The following ZNF155 variants were observed in gnomAD, a reference collection of about 807,000 sequenced individuals.
ZNF155 encodes the protein KRAB A domain.
A neutral mutation model predicts 11.9 loss-of-function variants in ZNF155; 15 were observed. The ratio of observed to expected loss-of-function variants is 1.26; its 90% CI spans 0.84 to 1.94. ZNF155 has a LOEUF of 1.94. ZNF155 is among the 30% of genes most tolerant of loss of function. The pLI, the probability that ZNF155 is intolerant of heterozygous loss-of-function variation, is 0.00. For missense variants in ZNF155, 602 were observed against 639.1 expected (o/e 0.94, Z 0.63); for synonymous variants, 212 against 219.9 (o/e 0.96, Z 0.32).
intron 1 of ZNF155, among the ~76,000 whole-genome samples, chr19:43,985,366 T>C (rs1198269879): frequency 1.3e-5 from 2 of 151,906 alleles, no homozygotes; most frequent in African/African-American, 4.8e-5. Context: ...GGGCCGGTTT[T>C]TTCTTTTACA....
chr19:43,986,457 T>TG (rs1189673130), intron 1 of ZNF155, among the ~76,000 whole-genome samples: 3 of 151,026 alleles, frequency 2.0e-5, no homozygotes, highest in African/African-American at 7.3e-5. Context: ...GTGTTTTTTT[T>TG]TTTTTTTTTT....
intron 4 of ZNF155, 62 bp downstream of exon 4, chr19:43,991,996 A>T: frequency 6.9e-7 from 1 of 1,446,984 alleles, no homozygotes; most frequent in Non-Finnish European, 9.5e-7. Context: ...GCTTCTGTCC[A>T]TGCCCATTTG....
At position 43,990,271 on chromosome 19, in the gene ZNF155, T is replaced by C. The variant is rs191474577; in HGVS notation, c.16-1277T>C. On this transcript the variant is annotated intron_variant, in intron 2 of 4. Transcript: ENST00000270014. ...CTACATCATTACTTAATGATGCTCT[T>C]TACAGGATTGATAATGGAAAATATG... Among the ~76,000 whole-genome samples, 5 of 152,288 alleles carry C rather than the reference T, an allele frequency of 3.3e-5. No individual in the cohort carries two copies. The East Asian group carries it at 9.6e-4, about 29-fold the overall frequency.
intron 1 of ZNF155, among the ~76,000 whole-genome samples, chr19:43,987,218 A>G (rs1477093846): frequency 6.6e-6 from 1 of 152,182 alleles, no homozygotes; most frequent in Non-Finnish European, 1.5e-5. Flanking sequence ...CCATAATTAA[A>G]TTTGTTCAAT....
intron 2 of ZNF155, among the ~76,000 whole-genome samples, chr19:43,990,547 G>A (rs1396129461): frequency 6.6e-6 from 1 of 152,210 alleles, no homozygotes. Flanking sequence ...AGGCCACACA[G>A]TTAGGAAGGG....
rs750267850 is a variant in ZNF155, at chr19:43,988,530, AAGT to A, written c.-11_-9del. 3.1e-6 allele frequency: 5 copies of A among 1,606,952 alleles called. No individual in the cohort carries two copies. Among genetic ancestry groups the A allele is most frequent in the Non-Finnish European group, 4.3e-6 (5 of 1,175,738 alleles). On this transcript the variant is annotated 5_prime_UTR_variant, in exon 2 of 5. Coordinates refer to ENST00000270014, the MANE Select transcript of ZNF155 (RefSeq NM_198089.3). Reference sequence around the variant, plus strand: ...CACCCAGGAGTCTGCAAATTCCCCAAAGTAGGAGGAAAAATGACCACATTCAAG... The same window carrying A: ...CACCCAGGAGTCTGCAAATTCCCCAAAGGAGGAAAAATGACCACATTCAAG...
At chr19:43,988,258 C>G (rs983954885) in intron 1 of ZNF155, among the ~76,000 whole-genome samples, 4 of 152,258 alleles carry the variant, frequency 2.6e-5, no homozygotes, top group Non-Finnish European at 5.9e-5. Flanking sequence ...TGGCTTCTTT[C>G]ATTTAGCATG....
In ZNF155 at chr19:43,996,838, G is replaced by A. The variant is rs1346720219; in HGVS notation, c.981G>A (p.Gln327=). ...RCDTCDKSFH[Q]RSALNRHCMV... ...ATACATGTGATAAGAGCTTTCATCAGAGATCAGCACTTAATAGGCATTGCA... is the reference window on the plus strand; with the variant it reads ...ATACATGTGATAAGAGCTTTCATCAAAGATCAGCACTTAATAGGCATTGCA... The change falls in exon 5 of 5, where the codon CAG becomes CAA. Residue 327 remains glutamine, a synonymous_variant. Transcript: ENST00000270014. 1 of 1,613,882 alleles carries A rather than the reference G, an allele frequency of 6.2e-7. No individual in the cohort carries two copies. The highest frequency in any genetic ancestry group is 8.5e-7 in the Non-Finnish European group (1 of 1,180,000).
chr19:43,994,349 C>T (rs1219474621), intron 4 of ZNF155, among the ~76,000 whole-genome samples: 1 of 152,128 alleles, frequency 6.6e-6, no homozygotes, highest in Non-Finnish European at 1.5e-5. Context: ...ATATGCTGTG[C>T]AAAATTCTTG....
rs762915120 is a variant in ZNF155, at chr19:43,996,705, C to T, written c.848C>T (p.Thr283Ile). 2 of 1,613,918 alleles carry T rather than the reference C, an allele frequency of 1.2e-6. No individual in the cohort carries two copies. The highest frequency in any genetic ancestry group is 1.7e-6 in the Non-Finnish European group (2 of 1,179,958). ...SQLKEHKRIH[T>I]GEKPFKCDIC... ...CTTAAGGAACATAAGAGAATCCATACTGGGGAGAAACCATTCAAATGTGAT... is the reference window on the plus strand; with the variant it reads ...CTTAAGGAACATAAGAGAATCCATATTGGGGAGAAACCATTCAAATGTGAT... The change falls in exon 5 of 5, where the codon ACT (threonine) becomes ATT (isoleucine). Residue 283 changes from threonine (T) to isoleucine (I), a missense_variant. By Grantham distance (89) the Thr-to-Ile change is moderately conservative. Coordinates refer to ENST00000270014, the MANE Select transcript of ZNF155 (RefSeq NM_198089.3).
In ZNF155 at chr19:43,991,682, C is replaced by T. The variant is rs200563285; in HGVS notation, c.142+8C>T. 6.3e-5 allele frequency: 102 copies of T among 1,613,936 alleles called. No individual in the cohort carries two copies. The Admixed American group carries it at 7.8e-4, about 12-fold the overall frequency. On this transcript the variant is annotated splice_region_variant and intron_variant, in intron 3 of 4. Transcript: ENST00000270014. ...GGAACCTGCTCTCAGTGGGTGAGCA[C>T]GGGCATCTTTTGTGTCTGAACATCA...
At position 43,988,466 on chromosome 19, in the gene ZNF155, C is replaced by A; in HGVS notation, c.-78C>A. ...ATCTCTCTTTTTCTGCAGACTGTGGCACGTTTCAGGCAGGATTCCTCCTTC... is the reference window on the plus strand; with the variant it reads ...ATCTCTCTTTTTCTGCAGACTGTGGAACGTTTCAGGCAGGATTCCTCCTTC... On this transcript the variant is annotated 5_prime_UTR_variant, in exon 2 of 5. Coordinates refer to ENST00000270014, the MANE Select transcript of ZNF155 (RefSeq NM_198089.3). 2 of 1,477,070 alleles carry A rather than the reference C, an allele frequency of 1.4e-6. No homozygotes were observed. The highest frequency in any genetic ancestry group is 1.9e-6 in the Non-Finnish European group (2 of 1,080,308). The allele number at this position is 1,477,070 out of a possible 1,614,324, so 91.5% of individuals were successfully genotyped here. A position where few individuals can be genotyped will look rare whatever the true frequency, so the allele number is the denominator to read the frequency against.
intron 2 of ZNF155, 100 bp from the exon 3 acceptor site, chr19:43,991,448 G>A: frequency 1.3e-6 from 2 of 1,581,078 alleles, no homozygotes; most frequent in Non-Finnish European, 1.7e-6. Context: ...CCTCAATACT[G>A]AGAACAACTT....
intron 1 of ZNF155, among the ~76,000 whole-genome samples, chr19:43,985,820 G>A (rs1975421577): frequency 6.6e-6 from 1 of 152,140 alleles, no homozygotes; most frequent in Admixed American, 6.5e-5. Context: ...GATTACAGGC[G>A]TGAGCCACCG....
Position 43,997,347 on chromosome 19 carries a change from C to T in ZNF155, c.1490C>T (p.Thr497Ile). 2 of 1,613,808 alleles carry T rather than the reference C, an allele frequency of 1.2e-6. No homozygotes were observed. The highest frequency in any genetic ancestry group is 1.7e-6 in the Non-Finnish European group (2 of 1,179,786). Residue 497 changes from threonine to isoleucine, a missense_variant, in exon 5 of 5, where the codon ACA becomes ATA. Coordinates refer to ENST00000270014, the MANE Select transcript of ZNF155 (RefSeq NM_198089.3). Reference protein sequence around the residue: ...EDCGKRLVHRTYRKDQPRDYS... With the variant: ...EDCGKRLVHRIYRKDQPRDYS... ...TGTGGAAAGAGGCTTGTACACAGGA[C>T]ATACCGTAAAGACCAGCCGAGAGAC...
At position 43,997,075 on chromosome 19, in the gene ZNF155, A is replaced by G. The variant is rs388471; in HGVS notation, c.1218A>G (p.Gly406=). ...AAAGCTTCAAATGTGAAGAATGTGGAAAGGGATTTTATACAAATTCACAAC... is the reference window on the plus strand; with the variant it reads ...AAAGCTTCAAATGTGAAGAATGTGGGAAGGGATTTTATACAAATTCACAAC... ...GEKSFKCEEC[G]KGFYTNSQLS... The change falls in exon 5 of 5, where the codon GGA becomes GGG. Residue 406 remains glycine (G), a synonymous_variant. Coordinates refer to ENST00000270014, the MANE Select transcript of ZNF155 (RefSeq NM_198089.3). 0.98 allele frequency: 1,580,003 copies of G among 1,614,084 alleles called. 776,809 individuals are homozygous for G. The highest frequency in any genetic ancestry group is 1 in the East Asian group (44,884 of 44,886).
chr19:43,995,770 T>G (rs954868851), intron 4 of ZNF155, among the ~76,000 whole-genome samples: 1 of 152,232 alleles, frequency 6.6e-6, no homozygotes, highest in African/African-American at 2.4e-5. Flanking sequence ...GATTCATATT[T>G]CATTATGTAC....
At position 43,988,505 on chromosome 19, in the gene ZNF155, C is replaced by A; in HGVS notation, c.-39C>A. ...GATTCCTCCTTCATTCAAACTGCAT[C>A]ACCCAGGAGTCTGCAAATTCCCCAA... On this transcript the variant is annotated 5_prime_UTR_variant, in exon 2 of 5. Coordinates refer to ENST00000270014, the MANE Select transcript of ZNF155 (RefSeq NM_198089.3). 1 of 1,585,176 alleles carries A rather than the reference C, an allele frequency of 6.3e-7. No individual in the cohort carries two copies. The highest frequency in any genetic ancestry group is 8.6e-7 in the Non-Finnish European group (1 of 1,163,876).
intron 1 of ZNF155, among the ~76,000 whole-genome samples, chr19:43,986,314 A>T (rs528820472): frequency 6.6e-6 from 1 of 152,250 alleles, no homozygotes; most frequent in East Asian, 1.9e-4. Flanking sequence ...ATAAGCATTT[A>T]AAAAAATTGT....
Sources: allele counts gnomAD v4.1 joint callset (sites outside exome capture counted in the v4.1 genomes callset), GRCh38; gene constraint gnomAD v4.1.1; transcripts MANE v1.5; gene names NCBI Gene and HGNC (gene_info 2026-07-23, HGNC 2026-07-21).